The following TMEM178B variants were observed in gnomAD, a reference collection of about 807,000 sequenced individuals.
TMEM178B encodes the protein transmembrane protein 178B.
Under a neutral mutation model 31.0 loss-of-function variants are expected in TMEM178B, and 5 were observed. The ratio of observed to expected loss-of-function variants is 0.16; its 90% CI spans 0.08 to 0.34. TMEM178B has a LOEUF of 0.34. Ranked by LOEUF, TMEM178B falls within the 10% of genes least tolerant of loss-of-function variation. TMEM178B has a pLI of 1.00. For missense variants in TMEM178B, 275 were observed against 400.3 expected, an observed-to-expected ratio of 0.69 and a Z score of 2.67; for synonymous variants, 164 against 164.0, an observed-to-expected ratio of 1.00 and a Z score of 0.00.
chr7:141,450,210 C>T (rs2116701320), intron 3 of TMEM178B, among the ~76,000 whole-genome samples: 1 of 152,356 alleles, frequency 6.6e-6, no homozygotes, highest in South Asian at 2.1e-4. Flanking sequence ...TAGATGCTAT[C>T]AAAAGGTCAA....
chr7:141,356,247 A>G (rs1799816335), intron 2 of TMEM178B, among the ~76,000 whole-genome samples: 1 of 152,146 alleles, frequency 6.6e-6, no homozygotes, highest in Non-Finnish European at 1.5e-5. Context: ...AATGGGATTG[A>G]TGGGTCAAAT....
Position 141,318,004 on chromosome 7 carries a change from TA to T in TMEM178B, c.496+105307del, listed in dbSNP as rs899528390. 5.9e-5 allele frequency among the ~76,000 whole-genome samples: 9 copies of T among 152,172 alleles called. No individual in the cohort carries two copies. Among genetic ancestry groups the T allele is most frequent in the Admixed American group, 3.3e-4 (5 of 15,278 alleles). ...TAATTTATTTTATTAGATTTTGGCTTAAAAAAAGAAGATGGGTGTTTGGGGA... is the reference window on the plus strand; with the variant it reads ...TAATTTATTTTATTAGATTTTGGCTTAAAAAAGAAGATGGGTGTTTGGGGA... On this transcript the variant is annotated intron_variant, in intron 2 of 3. Coordinates refer to ENST00000565468, the MANE Select transcript of TMEM178B (RefSeq NM_001195278.2). This position sits in a 1 kb window ranked among gnomAD's most constrained non-coding sequence, Gnocchi z 4.1.
chr7:141,093,624 T>C (rs1794912926), intron 1 of TMEM178B, among the ~76,000 whole-genome samples: 1 of 152,166 alleles, frequency 6.6e-6, no homozygotes, highest in Non-Finnish European at 1.5e-5. Flanking sequence ...TATCCAAAGA[T>C]TAAGCCCTGG....
chr7:141,313,934 C>G (rs1798957190), intron 2 of TMEM178B, among the ~76,000 whole-genome samples: 1 of 152,022 alleles, frequency 6.6e-6, no homozygotes, highest in Non-Finnish European at 1.5e-5. Flanking sequence ...AAATCCAGTC[C>G]CTGATAGGGA....
At chr7:141,369,635 G>T (rs1401889540) in intron 2 of TMEM178B, among the ~76,000 whole-genome samples, 9 of 152,196 alleles carry the variant, frequency 5.9e-5, no homozygotes, top group Non-Finnish European at 8.8e-5. Context: ...AATGGAGCTT[G>T]CTCTCTGCAG....
intron 1 of TMEM178B, among the ~76,000 whole-genome samples, chr7:141,192,869 C>T (rs1311274591): frequency 4.6e-5 from 7 of 152,178 alleles, no homozygotes; most frequent in East Asian, 1.9e-4. Context: ...AACATCTCTG[C>T]GATGTGCGTT....
At chr7:141,347,290 A>C (rs186288717) in intron 2 of TMEM178B, among the ~76,000 whole-genome samples, 13 of 152,198 alleles carry the variant, frequency 8.5e-5, no homozygotes, top group African/African-American at 3.1e-4. Flanking sequence ...TTCTACTTAG[A>C]TTTTCCTTCA....
intron 3 of TMEM178B, among the ~76,000 whole-genome samples, chr7:141,458,599 A>G (rs565086588): frequency 1.3e-5 from 2 of 152,122 alleles, no homozygotes; most frequent in South Asian, 4.1e-4. Context: ...GGAGTGGGTG[A>G]TGGAGATGAA....
chr7:141,177,451 C>G (rs1796452442), intron 1 of TMEM178B, among the ~76,000 whole-genome samples: 1 of 152,178 alleles, frequency 6.6e-6, no homozygotes, highest in Non-Finnish European at 1.5e-5. Flanking sequence ...CTGTAGATAT[C>G]TATTAGGTCC....
chr7:141,435,123 C>T (rs1389121971), intron 2 of TMEM178B, among the ~76,000 whole-genome samples: 1 of 150,726 alleles, frequency 6.6e-6, no homozygotes, highest in African/African-American at 2.4e-5. Flanking sequence ...GCAACATACA[C>T]TGGGGGAAGG....
At chr7:141,244,429 T>C (rs1797693035) in intron 2 of TMEM178B, among the ~76,000 whole-genome samples, 1 of 152,114 alleles carries the variant, frequency 6.6e-6, no homozygotes, top group Non-Finnish European at 1.5e-5. Flanking sequence ...AAGATGACAT[T>C]TTGAGTTGGA....
chr7:141,084,526 G>A (rs1227312328), intron 1 of TMEM178B, among the ~76,000 whole-genome samples: 7 of 152,178 alleles, frequency 4.6e-5, no homozygotes, highest in African/African-American at 1.7e-4. Context: ...TTTCTGTGCT[G>A]GGAGCCTGGA....
intron 2 of TMEM178B, among the ~76,000 whole-genome samples, chr7:141,271,694 C>T (rs1199771675): frequency 6.6e-6 from 1 of 152,178 alleles, no homozygotes. Flanking sequence ...GTTGCCTGCG[C>T]TCTTTCACAA....
intron 2 of TMEM178B, among the ~76,000 whole-genome samples, chr7:141,337,158 TCACCACCACCACCACCAC>T (rs1563155389): frequency 7.7e-4 from 1 of 1,302 alleles, no homozygotes; most frequent in Non-Finnish European, 1.3e-3. Flanking sequence ...ACCACCACCA[TCACCACCACCACCACCAC>T]CACCACCAGC....
At chr7:141,432,714 AT>A (rs1450924700) in intron 2 of TMEM178B, among the ~76,000 whole-genome samples, 5 of 151,764 alleles carry the variant, frequency 3.3e-5, no homozygotes, top group Non-Finnish European at 7.4e-5. Flanking sequence ...AATTTTGAAA[AT>A]TTTTTTCTTC....
At chr7:141,202,173 T>A (rs1176122492) in intron 1 of TMEM178B, among the ~76,000 whole-genome samples, 1 of 152,236 alleles carries the variant, frequency 6.6e-6, no homozygotes, top group Non-Finnish European at 1.5e-5. Flanking sequence ...CAGAAGCTAT[T>A]GTTAAAATGA....
At chr7:141,273,817 C>A (rs1261643936) in intron 2 of TMEM178B, among the ~76,000 whole-genome samples, 1 of 152,224 alleles carries the variant, frequency 6.6e-6, no homozygotes, top group African/African-American at 2.4e-5. Context: ...TGGTCCTGAT[C>A]TCTGGACTTC....
At chr7:141,470,115 AT>A (rs1802212873) in intron 3 of TMEM178B, among the ~76,000 whole-genome samples, 1 of 152,242 alleles carries the variant, frequency 6.6e-6, no homozygotes, top group Non-Finnish European at 1.5e-5. Context: ...AAGAGAAAAG[AT>A]TGTTTTTCTC....
chr7:141,433,627 T>A (rs1257659611), intron 2 of TMEM178B, among the ~76,000 whole-genome samples: 3 of 152,252 alleles, frequency 2.0e-5, no homozygotes, highest in Non-Finnish European at 4.4e-5. Context: ...TGCATTATTT[T>A]CTCATGTAAC....
Sources: allele counts gnomAD v4.1 joint callset (sites outside exome capture counted in the v4.1 genomes callset), GRCh38; gene constraint gnomAD v4.1.1; non-coding constraint Gnocchi (gnomAD v3.1); transcripts MANE v1.5; gene names NCBI Gene and HGNC (gene_info 2026-07-23, HGNC 2026-07-21).